The following ANKRD6 variants were observed in gnomAD, a reference collection of about 807,000 sequenced individuals.
The protein encoded by ANKRD6 is ankyrin repeat domain 6.
A neutral mutation model predicts 82.3 loss-of-function variants in ANKRD6; 56 were observed. The ratio of observed to expected loss-of-function variants is 0.68; its 90% confidence interval spans 0.55 to 0.85. The LOEUF is 0.85. ANKRD6 is among the 40% of genes least tolerant of loss of function. ANKRD6 has a pLI of 0.00. For synonymous variants in ANKRD6, 347 were observed against 352.1 expected (o/e 0.99, Z 0.16); for missense variants, 852 against 907.6 (o/e 0.94, Z 0.79).
chr6:89,628,994 G>A, intron 14 of ANKRD6, 118 bp from the exon 15 acceptor site: 1 of 1,161,580 alleles, frequency 8.6e-7, no homozygotes, highest in Non-Finnish European at 1.2e-6. Context: ...TTGTTAGATG[G>A]TATCCTCAAC....
intron 1 of ANKRD6, among the ~76,000 whole-genome samples, chr6:89,465,277 G>A (rs1367056510): frequency 1.3e-5 from 2 of 151,922 alleles, no homozygotes; most frequent in East Asian, 1.9e-4. Context: ...CTGCCACCAA[G>A]CCTGGCTAAT....
intron 7 of ANKRD6, among the ~76,000 whole-genome samples, chr6:89,615,087 G>A (rs1446072374): frequency 6.6e-6 from 1 of 152,062 alleles, no homozygotes; most frequent in African/African-American, 2.4e-5. Context: ...TTGAAAATTA[G>A]ATTGTCTTGG....
chr6:89,630,697 G>A lies in ANKRD6; in HGVS notation c.1877G>A (p.Ser626Asn). 1 of 1,614,002 alleles carries A rather than the reference G, an allele frequency of 6.2e-7. No individual in the cohort carries two copies. The highest frequency in any genetic ancestry group is 8.5e-7 in the Non-Finnish European group (1 of 1,179,882). ...RGTQTKKSGK[S>N]GPTRHRAQQP... ...ACTCAAACTAAGAAGTCTGGGAAGA[G>A]TGGGCCAACAAGGCATCGTGCCCAG... Residue 626 changes from serine to asparagine, a missense_variant, in exon 16 of 16, where the codon AGT becomes AAT. Coordinates refer to ENST00000339746, the MANE Select transcript of ANKRD6 (RefSeq NM_001242809.2).
intron 3 of ANKRD6, among the ~76,000 whole-genome samples, 159 bp downstream of exon 3, chr6:89,596,173 A>C (rs1230941602): frequency 6.6e-6 from 1 of 152,128 alleles, no homozygotes; most frequent in Non-Finnish European, 1.5e-5. Context: ...CTTCCTCTGG[A>C]AGACCTGCTC....
intron 2 of ANKRD6, among the ~76,000 whole-genome samples, chr6:89,591,329 T>C (rs932894737): frequency 3.9e-5 from 6 of 152,178 alleles, no homozygotes; most frequent in African/African-American, 9.7e-5. Context: ...ATAGAACTCC[T>C]GGGCTCAAGT....
intron 1 of ANKRD6, among the ~76,000 whole-genome samples, chr6:89,545,455 C>T (rs774329249): frequency 2.0e-5 from 3 of 152,148 alleles, no homozygotes; most frequent in Non-Finnish European, 4.4e-5. Flanking sequence ...TGTAGCTCTA[C>T]TGGTCATAGC....
intron 1 of ANKRD6, among the ~76,000 whole-genome samples, chr6:89,563,153 G>A (rs1787727929): frequency 6.6e-6 from 1 of 152,172 alleles, no homozygotes; most frequent in South Asian, 2.1e-4. Flanking sequence ...AGCCCCAAGA[G>A]AACAGCAAAA....
intron 1 of ANKRD6, among the ~76,000 whole-genome samples, chr6:89,539,721 A>G (rs1784242331): frequency 6.6e-6 from 1 of 150,948 alleles, no homozygotes; most frequent in Non-Finnish European, 1.5e-5. Context: ...CTGCTGTGCT[A>G]TCAAATAGTA....
intron 1 of ANKRD6, among the ~76,000 whole-genome samples, chr6:89,561,759 G>T (rs1256998764): frequency 6.6e-6 from 1 of 152,022 alleles, no homozygotes; most frequent in Non-Finnish European, 1.5e-5. Flanking sequence ...TAGTATGATG[G>T]TTGTATATTT....
intron 1 of ANKRD6, among the ~76,000 whole-genome samples, chr6:89,553,376 C>T (rs1270648191): frequency 6.6e-6 from 1 of 152,130 alleles, no homozygotes; most frequent in African/African-American, 2.4e-5. Context: ...TGTCCTCCAG[C>T]CCTGGGAGAA....
intron 1 of ANKRD6, among the ~76,000 whole-genome samples, chr6:89,440,709 C>T (rs908756170): frequency 4.0e-5 from 6 of 151,886 alleles, no homozygotes; most frequent in Non-Finnish European, 4.4e-5. Flanking sequence ...GAGGATCGAT[C>T]GCTTGAGCCC....
chr6:89,606,770 C>T (rs899671140), intron 5 of ANKRD6, among the ~76,000 whole-genome samples: 2 of 151,640 alleles, frequency 1.3e-5, no homozygotes, highest in Admixed American at 6.6e-5. Flanking sequence ...GCAGGAGAAT[C>T]GCTTGAACCT....
At chr6:89,561,045 T>C (rs1787333196) in intron 1 of ANKRD6, 1 of 152,146 alleles carries the variant, frequency 6.6e-6, no homozygotes, top group African/African-American at 2.4e-5. Context: ...TTGTCCTACA[T>C]AAAAAGGGAC....
At chr6:89,507,934 TTTATA>T (rs1021671597) in intron 1 of ANKRD6, among the ~76,000 whole-genome samples, 23 of 152,204 alleles carry the variant, frequency 1.5e-4, no homozygotes, top group African/African-American at 5.3e-4. Flanking sequence ...AGCTGCCAGT[TTTATA>T]TTATGCAGCC....
At chr6:89,624,445 C>A in intron 12 of ANKRD6, 94 bp from the exon 13 acceptor site, 1 of 1,420,944 alleles carries the variant, frequency 7.0e-7, no homozygotes, top group Non-Finnish European at 9.5e-7. Context: ...TCATCTCTAT[C>A]CCCTGGTATA....
intron 1 of ANKRD6, among the ~76,000 whole-genome samples, chr6:89,443,468 A>G (rs1161268038): frequency 6.6e-6 from 1 of 152,050 alleles, no homozygotes; most frequent in African/African-American, 2.4e-5. Flanking sequence ...TGTGGTCCAC[A>G]AATTATTTTA....
chr6:89,571,513 G>A (rs972071057), intron 2 of ANKRD6, among the ~76,000 whole-genome samples: 1 of 152,068 alleles, frequency 6.6e-6, no homozygotes, highest in Middle Eastern at 3.4e-3. Flanking sequence ...TTTTTTTGGT[G>A]TTGAGTTGTA....
chr6:89,510,278 G>A (rs1470895183), intron 1 of ANKRD6, among the ~76,000 whole-genome samples: 2 of 152,160 alleles, frequency 1.3e-5, no homozygotes, highest in African/African-American at 2.4e-5. Context: ...TGTTACTACA[G>A]CATAATTTAG....
intron 1 of ANKRD6, among the ~76,000 whole-genome samples, chr6:89,462,233 A>AAAT (rs200608840): frequency 0.27 from 28,381 of 105,496 alleles, 3,352 homozygotes; most frequent in Non-Finnish European, 0.35. Flanking sequence ...CTCCATCTCA[A>AAAT]AATAATAATA....
Sources: allele counts gnomAD v4.1 joint callset (sites outside exome capture counted in the v4.1 genomes callset), GRCh38; gene constraint gnomAD v4.1.1; transcripts MANE v1.5; gene names NCBI Gene and HGNC (gene_info 2026-07-23, HGNC 2026-07-21).